PROX2: variants seen among roughly 807,000 people sequenced by gnomAD.
The protein encoded by PROX2 is prospero homeobox protein 2.
Under a neutral mutation model 48.9 loss-of-function variants are expected in PROX2, and 46 were observed. That is an observed-to-expected ratio of 0.94 (90% CI 0.74 to 1.20). The LOEUF (loss-of-function observed/expected upper bound fraction) is 1.20. Among genes scored for constraint, PROX2 ranks in the 50% most tolerant of loss-of-function variants. PROX2 has a pLI of 0.00. For synonymous variants in PROX2, 260 were observed against 276.6 expected (o/e 0.94, Z 0.60); for missense variants, 663 against 719.4 (o/e 0.92, Z 0.90).
Position 74,856,944 on chromosome 14 carries a change from C to G in PROX2, c.1465G>C (p.Glu489Gln), listed in dbSNP as rs767954765. ...QMIKWFSNFR[E>Q]FYYIQMEKSA... ...TTTTCCATTTGGATGTAATAAAACT[C>G]ACGAAAGTTGCTGAACCACTTGATC... Residue 489 changes from glutamate (E) to glutamine (Q), a missense_variant, in exon 5 of 6, where the codon GAG (glutamate) becomes CAG (glutamine). Physicochemically the swap from Glu to Gln is conservative, Grantham distance 29 (BLOSUM62 2). Coordinates refer to ENST00000556489, the MANE Select transcript of PROX2 (RefSeq NM_001243007.2). 1.2e-6 allele frequency: 2 copies of G among 1,613,992 alleles called. No individual in the cohort carries two copies. Among genetic ancestry groups the G allele is most frequent in the South Asian group, 1.1e-5 (1 of 91,084 alleles).
At position 74,863,878 on chromosome 14, in the gene PROX2, T is replaced by C; in HGVS notation, c.-44A>G. 6.9e-7 allele frequency: 1 copy of C among 1,444,298 alleles called. No homozygotes were observed. The highest frequency in any genetic ancestry group is 9.0e-7 in the Non-Finnish European group (1 of 1,106,370). 89.5% of individuals were successfully genotyped at this position (1,444,298 alleles called of 1,614,324 possible). On this transcript the variant is annotated 5_prime_UTR_variant, in exon 3 of 6. Transcript: ENST00000556489. ...GCTTCAGGAATTCCTCCTCCTTATT[T>C]CCTCAGCTGGAAGTGCACCCAGAAT...
chr14:74,855,260 C>T lies in PROX2; in HGVS notation c.1651G>A (p.Glu551Lys). ...CCTGCGGAGACAGCCCTGAAGAACT[C>T]CTGTAACGTCAAGCTGGCAATTTCC... Reference protein sequence around the residue: ...FLEIASLTLQEFFRAVSAGRD... With the variant: ...FLEIASLTLQKFFRAVSAGRD... The change falls in exon 6 of 6, where the codon GAG becomes AAG. Residue 551 changes from glutamate (E) to lysine (K), a missense_variant. Coordinates refer to ENST00000556489, the MANE Select transcript of PROX2 (RefSeq NM_001243007.2). 1.3e-6 allele frequency: 2 copies of T among 1,565,624 alleles called. No individual in the cohort carries two copies. The highest frequency in any genetic ancestry group is 1.3e-5 in the African/African-American group (1 of 74,374).
rs772465974 is a variant in PROX2, at chr14:74,862,970, G to A, written c.865C>T (p.Pro289Ser). 6.2e-7 allele frequency: 1 copy of A among 1,613,962 alleles called. No homozygotes were observed. Among genetic ancestry groups the A allele is most frequent in the East Asian group, 2.2e-5 (1 of 44,884 alleles). Reference sequence around the variant, plus strand: ...CCAGCTTGTAGCTGGACCCTCCTGGGCAAGGCAGCCAAAGCAAGTGGATCT... The same window carrying A: ...CCAGCTTGTAGCTGGACCCTCCTGGACAAGGCAGCCAAAGCAAGTGGATCT... ...CKDPLALAAL[P>S]RRVQLQAGVP... The change falls in exon 3 of 6, where the codon CCC becomes TCC. Residue 289 changes from proline (P) to serine (S), a missense_variant. Physicochemically the swap from Pro to Ser is moderately conservative, Grantham distance 74 (BLOSUM62 -1). Transcript: ENST00000556489.
intron 2 of PROX2, among the ~76,000 whole-genome samples, chr14:74,870,439 A>AAAAACACACACACACACACAC (rs766736707): frequency 6.7e-5 from 2 of 29,946 alleles, no homozygotes; most frequent in African/African-American, 2.4e-4. Flanking sequence ...AAAAAAAAAA[A>AAAAACACACACACACACACAC]ATACACACAC....
chr14:74,871,656 T>G (rs1883218834), intron 1 of PROX2: 1 of 152,116 alleles, frequency 6.6e-6, no homozygotes, highest in Admixed American at 6.6e-5. Context: ...TGTCTGTGGT[T>G]CCAGCTACTT....
In PROX2 at chr14:74,858,778, T is replaced by TTGTGTGTGTGTGTG. The variant is rs3083647; in HGVS notation, c.1306-278_1306-265dup. 285 of 214,540 alleles carry TTGTGTGTGTGTGTG rather than the reference T, an allele frequency of 1.3e-3. 4 individuals are homozygous for TTGTGTGTGTGTGTG. The highest frequency in any genetic ancestry group is 6.3e-3 in the African/African-American group (244 of 38,440). The allele number at this position is 214,540 out of a possible 1,614,324, so 13.3% of individuals were successfully genotyped here. ...GATGTCAAATACAGGTTGGTGTATT[T>TTGTGTGTGTGTGTG]TGTGTGTGTGTGTGTGTGTGTGTGT... On this transcript the variant is annotated intron_variant, in intron 3 of 5. Transcript: ENST00000556489.
Position 74,863,167 on chromosome 14 carries a change from A to G in PROX2, c.668T>C (p.Leu223Pro), listed in dbSNP as rs2091811795. The G allele has an allele frequency of 6.2e-7, 1 of 1,613,996 alleles. No homozygotes were observed. The highest frequency in any genetic ancestry group is 8.5e-7 in the Non-Finnish European group (1 of 1,179,870). The change falls in exon 3 of 6, where the codon CTA (leucine) becomes CCA (proline). Residue 223 changes from leucine (L) to proline (P), a missense_variant. Transcript: ENST00000556489. Reference protein sequence around the residue: ...SFLPSGAPASLEILRKELTRA... With the variant: ...SFLPSGAPASPEILRKELTRA... ...GGTCAGCTCTTTCCTCAGAATCTCT[A>G]GTGAAGCTGGTGCTCCAGAAGGAAG... is the stretch of plus-strand genomic sequence containing the variant.
intron 3 of PROX2, among the ~76,000 whole-genome samples, chr14:74,860,133 G>A (rs544685578): frequency 4.6e-5 from 7 of 152,184 alleles, no homozygotes; most frequent in Non-Finnish European, 1.0e-4. Flanking sequence ...GCTTGAGAAC[G>A]GTGAGATAAT....
intron 1 of PROX2, among the ~76,000 whole-genome samples, chr14:74,873,430 G>T (rs28447028): frequency 0.098 from 14,955 of 152,186 alleles, 1,054 homozygotes; most frequent in African/African-American, 0.2. Flanking sequence ...ATTCTCTGGT[G>T]CGGGAAATAG....
chr14:74,863,770 CA>C lies in PROX2; in HGVS notation c.64del (p.Cys22ValfsTer94). On this transcript the variant is annotated frameshift_variant, in exon 3 of 6. Transcript: ENST00000556489. LOFTEE classifies it high-confidence loss of function. The stretch of plus-strand genomic sequence containing the variant: ...GGATGAGCTTCTCTCGCCTTCCGTA[CA>C]AGCTTCTGCTAGGTGGGAGCAGATC... ...PQICSHLAEA[C>X]TEGERSSSPP... The C allele has an allele frequency of 6.6e-7, 1 of 1,526,240 alleles. No homozygotes were observed. Among genetic ancestry groups the C allele is most frequent in the Non-Finnish European group, 8.8e-7 (1 of 1,141,584 alleles). The allele number at this position is 1,526,240 out of a possible 1,614,324, so 94.5% of individuals were successfully genotyped here.
intron 1 of PROX2, chr14:74,874,250 A>G: frequency 3.1e-6 from 1 of 323,410 alleles, no homozygotes; most frequent in East Asian, 8.4e-5. Flanking sequence ...GCATCATACA[A>G]GTTTTTTTTT....
At chr14:74,858,676 G>A in intron 3 of PROX2, 162 bp from the exon 4 acceptor site, 1 of 580,114 alleles carries the variant, frequency 1.7e-6, no homozygotes, top group Non-Finnish European at 3.1e-6. Flanking sequence ...GGTCAAATAA[G>A]CTGGATGACA....
chr14:74,873,231 C>A (rs896828796), intron 1 of PROX2, among the ~76,000 whole-genome samples: 2 of 152,180 alleles, frequency 1.3e-5, no homozygotes, highest in Non-Finnish European at 2.9e-5. Context: ...GATCTGCCCG[C>A]CTTGGCCTCC....
At chr14:74,867,953 C>G (rs1883106608) in intron 2 of PROX2, among the ~76,000 whole-genome samples, 1 of 152,154 alleles carries the variant, frequency 6.6e-6, no homozygotes, top group Non-Finnish European at 1.5e-5. Context: ...GAAACTCTGC[C>G]TCTGGGCTGC....
chr14:74,863,544 C>T lies in PROX2; in HGVS notation c.291G>A (p.Lys97=), dbSNP rs1168359997. Residue 97 remains lysine, a synonymous_variant, in exon 3 of 6, where the codon AAG becomes AAA. Coordinates refer to ENST00000556489, the MANE Select transcript of PROX2 (RefSeq NM_001243007.2). ...GCTTCCTCTTCCTCTCTCGGGCCTT[C>T]TTTGGGCAGCGTGGGCTGACCCCAG... ...AQAGVSPRCP[K]KARERKRKQN... 5.0e-6 allele frequency: 8 copies of T among 1,613,542 alleles called. No individual in the cohort carries two copies. Among genetic ancestry groups the T allele is most frequent in the Middle Eastern group, 1.6e-4 (1 of 6,062 alleles).
intron 5 of PROX2, 142 bp downstream of exon 5, chr14:74,856,659 T>C (rs1336409084): frequency 3.0e-6 from 2 of 657,342 alleles, no homozygotes; most frequent in East Asian, 2.7e-5. Flanking sequence ...GCTGTAATCT[T>C]TGTGGATGAT....
intron 1 of PROX2, among the ~76,000 whole-genome samples, chr14:74,874,828 TCATGACA>T: frequency 6.6e-6 from 1 of 152,248 alleles, no homozygotes; most frequent in East Asian, 1.9e-4. Context: ...TCATCTCCCT[TCATGACA>T]CATGATTTTT....
intron 3 of PROX2, among the ~76,000 whole-genome samples, chr14:74,859,851 C>G (rs1011325152): frequency 8.5e-5 from 13 of 152,200 alleles, no homozygotes; most frequent in African/African-American, 2.9e-4. Context: ...TCCTACAGAT[C>G]CACAAATGCT....
At chr14:74,856,252 CTG>C (rs1321710552) in intron 5 of PROX2, 1 of 153,254 alleles carries the variant, frequency 6.5e-6, no homozygotes, top group Non-Finnish European at 1.5e-5. Flanking sequence ...CGCTTTACCT[CTG>C]AGGTGCCACC....
Sources: allele counts gnomAD v4.1 joint callset (sites outside exome capture counted in the v4.1 genomes callset), GRCh38; gene constraint gnomAD v4.1.1; transcripts MANE v1.5; gene names NCBI Gene and HGNC (gene_info 2026-07-23, HGNC 2026-07-21).